The following LIPA variants were observed in gnomAD, a reference collection of about 807,000 sequenced individuals.
LIPA encodes the protein lysosomal acid lipase/cholesteryl ester hydrolase.
In LIPA, 26 loss-of-function variants were observed where a neutral mutation model predicts 40.6. That is an observed-to-expected ratio of 0.64 (90% CI 0.47 to 0.89). The LOEUF (loss-of-function observed/expected upper bound fraction) is 0.89. Ranked by LOEUF, LIPA falls within the 40% of genes least tolerant of loss-of-function variation. The probability of loss-of-function intolerance (pLI) is 0.00; values close to 1 mark genes in which losing one functional copy is unlikely to be tolerated. For missense variants in LIPA, 455 were observed against 479.6 expected (o/e 0.95, Z 0.48); for synonymous variants, 188 against 168.4 (o/e 1.12, Z -0.90).
intron 2 of LIPA, among the ~76,000 whole-genome samples, chr10:89,360,303 G>T (rs1343593171): frequency 6.6e-6 from 1 of 152,116 alleles, no homozygotes; most frequent in Non-Finnish European, 1.5e-5. Flanking sequence ...CCATGTTGGG[G>T]AGGACACACC....
At chr10:89,242,464 G>A (rs978057616) in intron 3 of LIPA, among the ~76,000 whole-genome samples, 1 of 152,172 alleles carries the variant, frequency 6.6e-6, no homozygotes, top group African/African-American at 2.4e-5. Flanking sequence ...GGATGAATGA[G>A]AACAGGAAGC....
intron 2 of LIPA, chr10:89,384,183 A>G (rs1589628504): frequency 6.2e-7 from 1 of 1,614,180 alleles, no homozygotes; most frequent in South Asian, 1.1e-5. Flanking sequence ...TGCATCACCA[A>G]ATGGGGCTTT....
chr10:89,225,302 ACT>A, intron 5 of LIPA, 74 bp from the exon 6 acceptor site: 1 of 1,577,456 alleles, frequency 6.3e-7, no homozygotes, highest in Non-Finnish European at 8.7e-7. Context: ...AAAGGCCGTC[ACT>A]CGCGACGCCC....
intron 2 of LIPA, among the ~76,000 whole-genome samples, chr10:89,401,790 GA>G (rs59639947): frequency 0.81 from 118,635 of 146,678 alleles, 48,040 homozygotes; most frequent in East Asian, 0.89. Flanking sequence ...AAAAAAAAAT[GA>G]AAAAAAAAAA....
intron 5 of LIPA, among the ~76,000 whole-genome samples, chr10:89,225,791 T>C (rs567119258): frequency 2.3e-4 from 35 of 152,268 alleles, no homozygotes; most frequent in African/African-American, 8.4e-4. Context: ...TGGGAGATAA[T>C]TGAATCACGG....
At chr10:89,302,098 G>A (rs201027227) in intron 1 of LIPA, 31 of 1,613,688 alleles carry the variant, frequency 1.9e-5, no homozygotes, top group Admixed American at 1.2e-4. Flanking sequence ...GAGCCCTGCC[G>A]AACAGCTGAG....
chr10:89,221,620 T>C (rs186531630), intron 8 of LIPA, among the ~76,000 whole-genome samples: 27 of 152,308 alleles, frequency 1.8e-4, no homozygotes, highest in Admixed American at 1.4e-3. Context: ...AGGGCTTAAA[T>C]GGTGAGTTGT....
chr10:89,268,376 T>C (rs541705051), intron 1 of LIPA, among the ~76,000 whole-genome samples: 4 of 152,378 alleles, frequency 2.6e-5, no homozygotes, highest in South Asian at 4.1e-4. Flanking sequence ...TTGCACTCAA[T>C]AGATGTTAGT....
At chr10:89,380,856 T>C (rs982844613) in intron 2 of LIPA, among the ~76,000 whole-genome samples, 1 of 152,204 alleles carries the variant, frequency 6.6e-6, no homozygotes, top group African/African-American at 2.4e-5. Context: ...TAGGGTGATA[T>C]TCTACTCCTT....
At chr10:89,216,514 A>T (rs895655692) in intron 8 of LIPA, among the ~76,000 whole-genome samples, 4 of 151,792 alleles carry the variant, frequency 2.6e-5, no homozygotes, top group Non-Finnish European at 4.4e-5. Flanking sequence ...GTATCTGTGG[A>T]TTCAGCCAAG....
rs1258034880 is a variant in LIPA, at chr10:89,228,523, T to C, written c.230-125A>G. On this transcript the variant is annotated intron_variant, in intron 3 of 9. Transcript: ENST00000336233. ...AATGAACTAGAAATAAATTGAAAGA[T>C]TGACATAGTGATGTACTCACATATA... The C allele has an allele frequency of 5.8e-6, 5 of 865,428 alleles. No individual in the cohort carries two copies. In the African/African-American group the frequency reaches 6.6e-5, roughly 11 times the overall value. 53.6% of individuals were successfully genotyped at this position (865,428 alleles called of 1,614,324 possible).
At chr10:89,264,727 C>T (rs550757647) in intron 1 of LIPA, among the ~76,000 whole-genome samples, 8 of 152,314 alleles carry the variant, frequency 5.3e-5, no homozygotes, top group East Asian at 1.9e-4. Context: ...GGTCCATGGG[C>T]GGCCATGGGT....
Position 89,414,349 on chromosome 10 carries a change from T to TCAAACAAA in LIPA, c.-72+50_-72+57dup, listed in dbSNP as rs139368125. On this transcript the variant is annotated intron_variant, in intron 1 of 8. Coordinates refer to the LIPA transcript ENST00000371837. Reference sequence around the variant, plus strand: ...CTGGGTGACACAGTGAGACGCTATCTCAAACAAACAAACAAACAAACAAAC... The same window carrying TCAAACAAA: ...CTGGGTGACACAGTGAGACGCTATCTCAAACAAACAAACAAACAAACAAACAAACAAAC... 211 of 159,002 alleles carry TCAAACAAA rather than the reference T, an allele frequency of 1.3e-3. 1 individual carries two copies. Among genetic ancestry groups the TCAAACAAA allele is most frequent in the African/African-American group, 4.4e-3 (181 of 41,206 alleles). 9.8% of individuals were successfully genotyped at this position (159,002 alleles called of 1,614,324 possible).
chr10:89,357,991 G>T (rs1219557687), intron 2 of LIPA, among the ~76,000 whole-genome samples: 2 of 152,060 alleles, frequency 1.3e-5, no homozygotes, highest in African/African-American at 4.8e-5. Flanking sequence ...TGACTGACTT[G>T]CTAGAATCTT....
chr10:89,346,116 G>A (rs1056987231), upstream of LIPA, among the ~76,000 whole-genome samples: 2 of 152,174 alleles, frequency 1.3e-5, no homozygotes, highest in Admixed American at 6.5e-5. Context: ...AACACAGTGG[G>A]AAATAGTTTC....
At chr10:89,399,593 A>G (rs927522557) in intron 2 of LIPA, among the ~76,000 whole-genome samples, 30 of 104,654 alleles carry the variant, frequency 2.9e-4, no homozygotes, top group African/African-American at 1.7e-3. Flanking sequence ...TTCATCATAT[A>G]TCCAGCTTTC....
At chr10:89,333,816 C>T (rs1446371384) in intron 1 of LIPA, among the ~76,000 whole-genome samples, 1 of 152,180 alleles carries the variant, frequency 6.6e-6, no homozygotes, top group Admixed American at 6.5e-5. Context: ...TGAGATCCCC[C>T]GGGAGGTTGT....
intron 1 of LIPA, among the ~76,000 whole-genome samples, chr10:89,287,119 A>G (rs1002192797): frequency 6.6e-6 from 1 of 152,178 alleles, no homozygotes; most frequent in Non-Finnish European, 1.5e-5. Context: ...CTCTGGCCCA[A>G]GGCTCTCTGA....
intron 2 of LIPA, among the ~76,000 whole-genome samples, chr10:89,387,342 T>C (rs1235458141): frequency 1.3e-5 from 2 of 150,884 alleles, no homozygotes; most frequent in Admixed American, 6.6e-5. Context: ...AAAAATCTAT[T>C]TTAACAACAT....
Sources: gnomAD v4.1 joint callset for allele counts (sites outside exome capture counted in the v4.1 genomes callset) on GRCh38, gnomAD v4.1.1 for gene constraint, MANE v1.5 for transcripts, NCBI Gene and HGNC (gene_info 2026-07-23, HGNC 2026-07-21) for gene names.